NFAM1: variants seen among roughly 807,000 people sequenced by gnomAD.
NFAM1 encodes NFAT activation molecule 1.
Under a neutral mutation model 29.0 loss-of-function variants are expected in NFAM1, and 17 were observed. The ratio of observed to expected loss-of-function variants is 0.59; its 90% confidence interval spans 0.40 to 0.88. The LOEUF (loss-of-function observed/expected upper bound fraction) is 0.88, where lower values mean the gene tolerates loss of function less well. Ranked by LOEUF, NFAM1 falls within the 40% of genes least tolerant of loss-of-function variation. The pLI, the probability that NFAM1 is intolerant of heterozygous loss-of-function variation, is 0.00. For synonymous variants in NFAM1, 175 were observed against 147.2 expected (o/e 1.19, Z -1.36); for missense variants, 324 against 344.6 (o/e 0.94, Z 0.47).
intron 1 of NFAM1, among the ~76,000 whole-genome samples, chr22:42,425,875 G>T (rs544693432): frequency 6.6e-6 from 1 of 152,166 alleles, no homozygotes; most frequent in African/African-American, 2.4e-5. Context: ...GCCTCTGAGC[G>T]CCTGTGTGCT....
chr22:42,406,641 G>A (rs1038455738), intron 3 of NFAM1, among the ~76,000 whole-genome samples: 2 of 152,024 alleles, frequency 1.3e-5, no homozygotes, highest in African/African-American at 2.4e-5. Context: ...TTCCCATGCC[G>A]ACCTCCCTTC....
intron 4 of NFAM1, among the ~76,000 whole-genome samples, chr22:42,396,324 A>G (rs1207153650): frequency 6.6e-6 from 1 of 152,238 alleles, no homozygotes; most frequent in Non-Finnish European, 1.5e-5. Flanking sequence ...TTCATGAAAA[A>G]AATAGCTGTA....
At chr22:42,430,345 C>T (rs369449745) in intron 1 of NFAM1, among the ~76,000 whole-genome samples, 74 of 151,474 alleles carry the variant, frequency 4.9e-4, no homozygotes, top group African/African-American at 1.7e-3. Context: ...AGATCACCTG[C>T]GGTCAGGAGT....
intron 3 of NFAM1, among the ~76,000 whole-genome samples, chr22:42,398,377 T>TTTTC (rs1929604196): frequency 7.1e-6 from 1 of 140,812 alleles, no homozygotes; most frequent in Non-Finnish European, 1.5e-5. Flanking sequence ...TGGGCCTTGG[T>TTTTC]TTTATTTATT....
intron 1 of NFAM1, among the ~76,000 whole-genome samples, chr22:42,425,977 C>T (rs1930609318): frequency 6.6e-6 from 1 of 151,920 alleles, no homozygotes; most frequent in Non-Finnish European, 1.5e-5. Context: ...ACAGAAGAGC[C>T]TATGAGTTTG....
chr22:42,423,151 A>AC (rs1374787607), intron 1 of NFAM1, among the ~76,000 whole-genome samples: 1 of 139,016 alleles, frequency 7.2e-6, no homozygotes, highest in African/African-American at 2.8e-5. Context: ...AGGGGAACAG[A>AC]CCCCCCAGAG....
intron 3 of NFAM1, among the ~76,000 whole-genome samples, chr22:42,398,382 T>TTTA (rs202112713): frequency 0.15 from 19,052 of 125,028 alleles, 1,550 homozygotes; most frequent in African/African-American, 0.24. Flanking sequence ...CTTGGTTTTA[T>TTTA]TTATTATTAT....
chr22:42,386,592 C>A (rs1175772005), intron 5 of NFAM1, among the ~76,000 whole-genome samples: 2 of 152,148 alleles, frequency 1.3e-5, no homozygotes, highest in Non-Finnish European at 2.9e-5. Context: ...AAGCCTAACA[C>A]CCCTGTCTGA....
At chr22:42,418,420 G>C (rs1192301511) in intron 1 of NFAM1, among the ~76,000 whole-genome samples, 1 of 152,214 alleles carries the variant, frequency 6.6e-6, no homozygotes, top group Non-Finnish European at 1.5e-5. Flanking sequence ...GCTGGGTGTG[G>C]TGGCTCATGC....
chr22:42,430,626 G>C (rs1038418260), intron 1 of NFAM1, among the ~76,000 whole-genome samples: 1 of 151,126 alleles, frequency 6.6e-6, no homozygotes, highest in African/African-American at 2.4e-5. Flanking sequence ...CTAGGACACC[G>C]TAAGGGTGTT....
chr22:42,403,768 C>T (rs1929803033), intron 3 of NFAM1, among the ~76,000 whole-genome samples: 2 of 152,352 alleles, frequency 1.3e-5, no homozygotes, highest in Middle Eastern at 6.8e-3. Context: ...CGGCCTCACA[C>T]AGCTGGCCTT....
At chr22:42,411,757 G>A (rs1288596438) in intron 1 of NFAM1, 21 bp from the exon 2 acceptor site, 1 of 1,573,116 alleles carries the variant, frequency 6.4e-7, no homozygotes, top group Admixed American at 1.7e-5. Context: ...AGCAAAGGGA[G>A]AGAGCAACAG....
At chr22:42,432,579 C>T (rs1930847614), upstream of NFAM1, among the ~76,000 whole-genome samples, 2 of 152,178 alleles carry the variant, frequency 1.3e-5, no homozygotes, top group Admixed American at 6.5e-5. Flanking sequence ...GGAGACGGGA[C>T]CCAAGCCTCC....
chr22:42,406,010 C>T (rs777955704), intron 3 of NFAM1, among the ~76,000 whole-genome samples: 34 of 152,106 alleles, frequency 2.2e-4, no homozygotes, highest in Non-Finnish European at 5.0e-4. Flanking sequence ...GATGACATCC[C>T]CAGCCTCAAG....
chr22:42,410,344 G>A (rs1930039976), intron 2 of NFAM1: 11 of 322,424 alleles, frequency 3.4e-5, no homozygotes, highest in South Asian at 2.3e-4. Context: ...ATAACTTTTG[G>A]GATCATCACT....
chr22:42,406,145 G>A (rs1054077687), intron 3 of NFAM1, among the ~76,000 whole-genome samples: 1 of 33,660 alleles, frequency 3.0e-5, no homozygotes, highest in Admixed American at 4.4e-4. Flanking sequence ...GACACCTGCG[G>A]GGCAGGCGCA....
rs1035672413 is a variant in NFAM1, at chr22:42,382,008, G to C, written c.*3153C>G. The C allele has an allele frequency of 5.2e-5, 8 of 152,588 alleles. No homozygotes were observed. Among genetic ancestry groups the C allele is most frequent in the Non-Finnish European group, 1.2e-4 (8 of 68,360 alleles). The allele number at this position is 152,588 out of a possible 1,614,324, so 9.5% of individuals were successfully genotyped here. On this transcript the variant is annotated 3_prime_UTR_variant, in exon 6 of 6. Transcript: ENST00000329021. ...GGAAATGCACACCCACTGAGCTTCT[G>C]CCTGAGCCAGGGAGTCCCCTTCTGT...
chr22:42,387,206 A>C (rs1014843316), intron 4 of NFAM1, 128 bp from the exon 5 acceptor site: 30 of 524,530 alleles, frequency 5.7e-5, no homozygotes, highest in Non-Finnish European at 9.0e-5. Context: ...GCCCAGCCAC[A>C]CCTTTGCACC....
At position 42,394,981 on chromosome 22, in the gene NFAM1, C is replaced by T. The variant is rs141598255; in HGVS notation, c.663+2877G>A. ...AAAAATTAAAAAACTCAAAACCAGCCTGGGCAATATAGTGAGACCTTGTCT... is the reference window on the plus strand; with the variant it reads ...AAAAATTAAAAAACTCAAAACCAGCTTGGGCAATATAGTGAGACCTTGTCT... On this transcript the variant is annotated intron_variant, in intron 4 of 5. Transcript: ENST00000329021. Among the ~76,000 whole-genome samples the T allele has an allele frequency of 6.7e-3, 1,013 of 152,052 alleles. 7 individuals carry two copies. The highest frequency in any genetic ancestry group is 0.023 in the African/African-American group (968 of 41,462).
Sources: gnomAD v4.1 joint callset for allele counts (sites outside exome capture counted in the v4.1 genomes callset) on GRCh38, gnomAD v4.1.1 for gene constraint, MANE v1.5 for transcripts, NCBI Gene and HGNC (gene_info 2026-07-23, HGNC 2026-07-21) for gene names.